PCNX2: variants seen among roughly 807,000 people sequenced by gnomAD.
The protein encoded by PCNX2 is pecanex 2.
A neutral mutation model predicts 223.8 loss-of-function variants in PCNX2; 168 were observed. The observed-to-expected ratio is 0.75, with a 90% CI of 0.66 to 0.85. The LOEUF (loss-of-function observed/expected upper bound fraction) is 0.85. Among genes scored for constraint, PCNX2 ranks in the 40% least tolerant of loss-of-function variants. The pLI is 0.00. For synonymous variants in PCNX2, 1,006 were observed against 1,052.6 expected (o/e 0.96, Z 0.86); for missense variants, 2,507 against 2,675.5 (o/e 0.94, Z 1.39).
intron 26 of PCNX2, among the ~76,000 whole-genome samples, chr1:233,018,286 G>C (rs1385210463): frequency 6.6e-6 from 1 of 151,946 alleles, no homozygotes; most frequent in Non-Finnish European, 1.5e-5. Flanking sequence ...GCCTCCCAAA[G>C]TGCGAGGATT....
the PCNX2 span, among the ~76,000 whole-genome samples, chr1:233,320,081 T>C: frequency 6.6e-6 from 1 of 152,196 alleles, no homozygotes; most frequent in African/African-American, 2.4e-5. Flanking sequence ...GGAGAAATTC[T>C]AGCCTCATAA....
intron 12 of PCNX2, among the ~76,000 whole-genome samples, chr1:233,209,593 C>G (rs1681710213): frequency 6.6e-6 from 1 of 152,172 alleles, no homozygotes; most frequent in Admixed American, 6.5e-5. Flanking sequence ...CTGCCTTGAA[C>G]ACGTTATATT....
intron 1 of PCNX2, chr1:233,289,518 A>G: frequency 1.4e-6 from 1 of 700,288 alleles, no homozygotes; most frequent in East Asian, 2.7e-5. Context: ...AAGCAACTCC[A>G]TGCTGCAGGC....
chr1:233,041,196 G>A (rs12068324), intron 25 of PCNX2, among the ~76,000 whole-genome samples: 39,282 of 149,530 alleles, frequency 0.26, 6,659 homozygotes, highest in African/African-American at 0.51. Flanking sequence ...TGTTGAATGT[G>A]GCTTAGAGAA....
At position 232,998,994 on chromosome 1, in the gene PCNX2, T is replaced by C. The variant is rs1471328577; in HGVS notation, c.5603+111A>G. 6.4e-6 allele frequency: 8 copies of C among 1,250,584 alleles called. No individual in the cohort carries two copies. In the Admixed American group the frequency reaches 1.4e-4, roughly 21 times the overall value. The allele number at this position is 1,250,584 out of a possible 1,614,324, so 77.5% of individuals were successfully genotyped here. A position where few individuals can be genotyped will look rare whatever the true frequency, so the allele number is the denominator to read the frequency against. On this transcript the variant is annotated intron_variant, in intron 31 of 33. Coordinates refer to ENST00000258229, the MANE Select transcript of PCNX2 (RefSeq NM_014801.4). ...CACTTGGGGGTAGCAGTTTTAATCATATGAGAAAATGGTGGCTGACAGTGA... is the reference window on the plus strand; with the variant it reads ...CACTTGGGGGTAGCAGTTTTAATCACATGAGAAAATGGTGGCTGACAGTGA...
In PCNX2 at chr1:233,001,466, C is replaced by G. The variant is rs1310427931; in HGVS notation, c.5097+71G>C. On this transcript the variant is annotated intron_variant, in intron 29 of 33. Transcript: ENST00000258229. The surrounding 1 kb of genome is among the most constrained non-coding windows in gnomAD (Gnocchi z 4.2). The stretch of plus-strand genomic sequence containing the variant: ...TGCACCCCAGCCTGGGCAACAAGAG[C>G]GAAACTCCATCTCATAAATAAATAA... 9.6e-7 allele frequency: 1 copy of G among 1,037,638 alleles called. No individual in the cohort carries two copies. The highest frequency in any genetic ancestry group is 1.8e-5 in the African/African-American group (1 of 57,056). 64.3% of individuals were successfully genotyped at this position (1,037,638 alleles called of 1,614,324 possible).
At chr1:233,290,863 A>G (rs1661720345) in intron 1 of PCNX2, 1 of 985,434 alleles carries the variant, frequency 1.0e-6, no homozygotes, top group African/African-American at 1.7e-5. Flanking sequence ...TTCTGTCCAC[A>G]AGCGGGGAAA....
intron 8 of PCNX2, among the ~76,000 whole-genome samples, chr1:233,239,967 C>T (rs11800619): frequency 0.082 from 12,551 of 152,170 alleles, 1,338 homozygotes; most frequent in African/African-American, 0.25. Flanking sequence ...TTGAGTATTC[C>T]AGACAAGGCA....
chr1:233,091,488 C>T (rs1440138020), intron 22 of PCNX2, among the ~76,000 whole-genome samples: 1 of 152,030 alleles, frequency 6.6e-6, no homozygotes, highest in Non-Finnish European at 1.5e-5. Flanking sequence ...TCCCTAACAG[C>T]CCTATTTATA....
Position 233,192,907 on chromosome 1 carries a change from A to C in PCNX2, c.3066+6032T>G, listed in dbSNP as rs575348573. On this transcript the variant is annotated intron_variant, in intron 15 of 33. Coordinates refer to ENST00000258229, the MANE Select transcript of PCNX2 (RefSeq NM_014801.4). ...CCTGCAGATAACAATACTGAATTGC[A>C]CACAAAAAGTTAAAAGGATAGATTT... Among the ~76,000 whole-genome samples the C allele has an allele frequency of 7.0e-4, 105 of 150,534 alleles. 1 individual carries two copies. The South Asian group carries it at 0.021, about 31-fold the overall frequency.
chr1:233,214,944 ATG>A, intron 12 of PCNX2, among the ~76,000 whole-genome samples: 1 of 152,228 alleles, frequency 6.6e-6, no homozygotes, highest in Admixed American at 6.5e-5. Context: ...TGCTCAAAAT[ATG>A]CCACCTGTGC....
chr1:233,200,162 C>A lies in PCNX2; in HGVS notation c.2966G>T (p.Gly989Val). Residue 989 changes from glycine (G) to valine (V), a missense_variant, in exon 14 of 34, where the codon GGT becomes GTT. Gly to Val is a moderately radical substitution (Grantham distance 109). Coordinates refer to ENST00000258229, the MANE Select transcript of PCNX2 (RefSeq NM_014801.4). ...LLEQIDMLFF[G>V]GSAVSGITSA... is the part of the protein sequence containing the mutation. ...GAATGTAAACGACTTACCAGAACCA[C>A]CAAAAAACAGCATGTCAATTTGCTC... is the stretch of plus-strand genomic sequence containing the variant. 1 of 1,579,352 alleles carries A rather than the reference C, an allele frequency of 6.3e-7. No homozygotes were observed. The highest frequency in any genetic ancestry group is 2.3e-5 in the East Asian group (1 of 43,770).
intron 15 of PCNX2, among the ~76,000 whole-genome samples, chr1:233,188,810 C>G (rs557804365): frequency 7.9e-5 from 12 of 152,160 alleles, no homozygotes; most frequent in Non-Finnish European, 1.5e-4. Context: ...CATGAGCCAC[C>G]GCACCGGGCA....
At chr1:233,044,447 A>C (rs996542641) in intron 25 of PCNX2, among the ~76,000 whole-genome samples, 12 of 152,072 alleles carry the variant, frequency 7.9e-5, no homozygotes, top group Non-Finnish European at 1.3e-4. Flanking sequence ...CTTTTGTTGT[A>C]ATTTGGCTTA....
At chr1:233,015,431 G>C (rs570982844) in intron 27 of PCNX2, among the ~76,000 whole-genome samples, 170 of 152,268 alleles carry the variant, frequency 1.1e-3, no homozygotes, top group African/African-American at 4.0e-3. Context: ...GGGCGCGGTG[G>C]CTCACGCCTG....
rs775310948 is a variant in PCNX2, at chr1:233,253,469, C to T, written c.1835-681G>A. 1.3e-5 allele frequency among the ~76,000 whole-genome samples: 2 copies of T among 152,192 alleles called. No homozygotes were observed. The highest frequency in any genetic ancestry group is 2.4e-5 in the African/African-American group (1 of 41,446). On this transcript the variant is annotated intron_variant, in intron 5 of 33. Transcript: ENST00000258229. This position sits in a 1 kb window ranked among gnomAD's most constrained non-coding sequence, Gnocchi z 4.2. Reference sequence around the variant, plus strand: ...AAGTGACTCTCCTATCTCTGCCTCCCAAGCAGCTGGGATGACAGGCACATG... The same window carrying T: ...AAGTGACTCTCCTATCTCTGCCTCCTAAGCAGCTGGGATGACAGGCACATG...
chr1:233,199,535 A>G (rs1290540846), intron 14 of PCNX2, among the ~76,000 whole-genome samples: 1 of 152,124 alleles, frequency 6.6e-6, no homozygotes, highest in African/African-American at 2.4e-5. Flanking sequence ...TACTCTTTAT[A>G]GCAACCCTAT....
chr1:233,254,194 T>C (rs1659603958), intron 5 of PCNX2, among the ~76,000 whole-genome samples: 3 of 152,244 alleles, frequency 2.0e-5, no homozygotes, highest in Non-Finnish European at 2.9e-5. Context: ...GTCCTGAACA[T>C]AAACATTTTC....
chr1:233,173,889 T>G (rs1220180120), intron 17 of PCNX2, among the ~76,000 whole-genome samples: 5 of 151,896 alleles, frequency 3.3e-5, no homozygotes, highest in Non-Finnish European at 7.4e-5. Context: ...AAATTTTCTT[T>G]TCTCTGGTTG....
Sources: allele counts gnomAD v4.1 joint callset (sites outside exome capture counted in the v4.1 genomes callset), GRCh38; gene constraint gnomAD v4.1.1; non-coding constraint Gnocchi (gnomAD v3.1); transcripts MANE v1.5; gene names NCBI Gene and HGNC (gene_info 2026-07-23, HGNC 2026-07-21).